Variants in ATP8A1 observed in about 807,000 individuals in gnomAD.
ATP8A1 encodes the protein phospholipid-transporting ATPase IA.
ATP8A1 carries 90 observed loss-of-function variants against 177.7 expected under a neutral mutation model. The observed-to-expected ratio is 0.51, with a 90% CI of 0.43 to 0.60. The LOEUF is 0.60. Ranked by LOEUF, ATP8A1 falls within the 20% of genes least tolerant of loss-of-function variation. The pLI is 0.00. For synonymous variants in ATP8A1, 493 were observed against 485.9 expected, an observed-to-expected ratio of 1.01 and a Z score of -0.19; for missense variants, 1,072 against 1,392.8, an observed-to-expected ratio of 0.77 and a Z score of 3.67.
At chr4:42,589,137 C>T (rs1048646965) in intron 7 of ATP8A1, among the ~76,000 whole-genome samples, 1 of 152,206 alleles carries the variant, frequency 6.6e-6, no homozygotes, top group Non-Finnish European at 1.5e-5. Flanking sequence ...ACAGCCCAGA[C>T]TGTCTTATCT....
chr4:42,555,762 T>C (rs1157807541), intron 16 of ATP8A1, among the ~76,000 whole-genome samples: 1 of 152,090 alleles, frequency 6.6e-6, no homozygotes. Context: ...AGGCAGAGGT[T>C]GCAGTGAGCC....
At chr4:42,448,682 GCTA>G (rs1199987996) in intron 30 of ATP8A1, among the ~76,000 whole-genome samples, 2 of 151,362 alleles carry the variant, frequency 1.3e-5, no homozygotes, top group Non-Finnish European at 2.9e-5. Flanking sequence ...ACAGGTGTGA[GCTA>G]CTAAGCCTGG....
chr4:42,518,113 A>G (rs566120824), intron 22 of ATP8A1, among the ~76,000 whole-genome samples: 14 of 152,344 alleles, frequency 9.2e-5, no homozygotes, highest in African/African-American at 3.4e-4. Context: ...GATTCAACTT[A>G]GTTTTAAAAA....
chr4:42,417,643 G>A, intron 35 of ATP8A1, among the ~76,000 whole-genome samples: 1 of 152,192 alleles, frequency 6.6e-6, no homozygotes, highest in East Asian at 1.9e-4. Context: ...GGAATGTGTT[G>A]GAACGTGTTG....
At chr4:42,422,504 CTT>C (rs201980659) in intron 35 of ATP8A1, among the ~76,000 whole-genome samples, 3,216 of 152,288 alleles carry the variant, frequency 0.021, 52 homozygotes, top group Non-Finnish European at 0.033. Context: ...TCATTAAAGA[CTT>C]TGCACTATGC....
At chr4:42,421,287 C>T (rs952447288) in intron 35 of ATP8A1, among the ~76,000 whole-genome samples, 2 of 152,112 alleles carry the variant, frequency 1.3e-5, no homozygotes, top group South Asian at 2.1e-4. Context: ...AGATTAAGTA[C>T]TTTGTCAAGT....
At chr4:42,523,119 G>A (rs905953485) in intron 21 of ATP8A1, among the ~76,000 whole-genome samples, 1 of 152,094 alleles carries the variant, frequency 6.6e-6, no homozygotes, top group East Asian at 1.9e-4. Context: ...AGGGATAGTG[G>A]CAAAAAAGAA....
At chr4:42,460,379 CTTTTTTTTTTTTT>C (rs35296572) in intron 27 of ATP8A1, among the ~76,000 whole-genome samples, 2 of 94,542 alleles carry the variant, frequency 2.1e-5, no homozygotes, top group African/African-American at 7.8e-5. Context: ...ATGGATGGAT[CTTTTTTTTTTTTT>C]TTTTTTTTTT....
At chr4:42,464,467 G>A (rs532582404) in intron 27 of ATP8A1, among the ~76,000 whole-genome samples, 1 of 152,110 alleles carries the variant, frequency 6.6e-6, no homozygotes, top group African/African-American at 2.4e-5. Context: ...GTTTCACCAT[G>A]TTGGCTAAGC....
intron 1 of ATP8A1, among the ~76,000 whole-genome samples, chr4:42,652,888 A>G (rs56058279): frequency 0.5 from 71,768 of 143,688 alleles, 20,085 homozygotes; most frequent in Non-Finnish European, 0.64. Context: ...TGTTTTTATT[A>G]GCAGCCTAAG....
intron 14 of ATP8A1, among the ~76,000 whole-genome samples, chr4:42,572,591 C>T (rs2109321596): frequency 6.6e-6 from 1 of 152,284 alleles, no homozygotes; most frequent in Middle Eastern, 3.4e-3. Context: ...AAAGCACATA[C>T]ACAAACATGA....
At chr4:42,582,456 C>A (rs768830157) in intron 9 of ATP8A1, among the ~76,000 whole-genome samples, 9 of 151,762 alleles carry the variant, frequency 5.9e-5, no homozygotes, top group Non-Finnish European at 1.2e-4. Flanking sequence ...TCTGTCTACT[C>A]ACCTCAGCCT....
intron 33 of ATP8A1, among the ~76,000 whole-genome samples, chr4:42,424,361 G>C (rs1413419305): frequency 6.6e-6 from 1 of 151,786 alleles, no homozygotes; most frequent in Non-Finnish European, 1.5e-5. Flanking sequence ...AATATAATTA[G>C]ATTACACAGA....
chr4:42,426,996 A>AT (rs551231673), intron 33 of ATP8A1, among the ~76,000 whole-genome samples: 57 of 152,154 alleles, frequency 3.7e-4, no homozygotes, highest in Non-Finnish European at 7.1e-4. Flanking sequence ...GCTTCAAAAC[A>AT]TTTTTTTGGA....
At chr4:42,518,649 A>C (rs149742962) in intron 22 of ATP8A1, among the ~76,000 whole-genome samples, 82 of 152,354 alleles carry the variant, frequency 5.4e-4, no homozygotes, top group African/African-American at 1.8e-3. Context: ...TCACAGTTTA[A>C]AGATTCACTG....
chr4:42,426,551 C>T (rs1714643276), intron 33 of ATP8A1, among the ~76,000 whole-genome samples: 1 of 152,216 alleles, frequency 6.6e-6, no homozygotes, highest in Admixed American at 6.5e-5. Flanking sequence ...GTCTCAGTTT[C>T]CTCAGCTGTA....
chr4:42,448,859 G>T (rs1488538102), intron 30 of ATP8A1, among the ~76,000 whole-genome samples: 158 of 90,354 alleles, frequency 1.7e-3, no homozygotes, highest in African/African-American at 6.7e-3. Flanking sequence ...TTTTTGAGAT[G>T]GAGTCTTGTT....
In ATP8A1 at chr4:42,412,793, G is replaced by T. The variant is rs996620177; in HGVS notation, c.*123C>A. 1.4e-6 allele frequency: 1 copy of T among 710,010 alleles called. No homozygotes were observed. Among genetic ancestry groups the T allele is most frequent in the South Asian group, 1.8e-5 (1 of 56,036 alleles). 44.0% of individuals were successfully genotyped at this position (710,010 alleles called of 1,614,324 possible). A position where few individuals can be genotyped will look rare whatever the true frequency, so the allele number is the denominator to read the frequency against. On this transcript the variant is annotated 3_prime_UTR_variant, in exon 37 of 37. Transcript: ENST00000381668. ...TACATGAATCTGAATGTCCATCAGC[G>T]AGATGAGCTCAGATCTACCTTTCCT...
Position 42,574,659 on chromosome 4 carries a change from T to G in ATP8A1, c.1255A>C (p.Met419Leu), listed in dbSNP as rs1732255290. The G allele has an allele frequency of 1.2e-6, 2 of 1,608,598 alleles. No homozygotes were observed. The highest frequency in any genetic ancestry group is 1.7e-6 in the Non-Finnish European group (2 of 1,178,696). ...GCTATGGTGCACTTCTTAAACTGCA[T>G]TACATTGCATGTCAGAGTACCAGTT... is the stretch of plus-strand genomic sequence containing the variant. Reference protein sequence around the residue: ...DKTGTLTCNVMQFKKCTIAGV... With the variant: ...DKTGTLTCNVLQFKKCTIAGV... Residue 419 changes from methionine to leucine, a missense_variant, in exon 14 of 37, where the codon ATG becomes CTG. This residue lies in a region of ATP8A1 where 388 missense variants were observed against 471.7 expected (regional missense o/e 0.82). Coordinates refer to ENST00000381668, the MANE Select transcript of ATP8A1 (RefSeq NM_006095.2).
Sources: gnomAD v4.1 joint callset for allele counts (sites outside exome capture counted in the v4.1 genomes callset) on GRCh38, gnomAD v4.1.1 for gene constraint, gnomAD v4.1.1 regional missense constraint, MANE v1.5 for transcripts, NCBI Gene and HGNC (gene_info 2026-07-23, HGNC 2026-07-21) for gene names.